The following ECT2 variants were observed in gnomAD, a reference collection of about 807,000 sequenced individuals.
The protein encoded by ECT2 is protein ECT2.
A neutral mutation model predicts 116.9 loss-of-function variants in ECT2; 61 were observed. The ratio of observed to expected loss-of-function variants is 0.52; its 90% CI spans 0.42 to 0.65. The LOEUF (loss-of-function observed/expected upper bound fraction) is 0.65. Among genes scored for constraint, ECT2 ranks in the 30% least tolerant of loss-of-function variants. The pLI, the probability that ECT2 is intolerant of heterozygous loss-of-function variation, is 0.00. For missense variants in ECT2, 937 were observed against 1,078.7 expected, an observed-to-expected ratio of 0.87 and a Z score of 1.84; for synonymous variants, 358 against 346.4, an observed-to-expected ratio of 1.03 and a Z score of -0.37.
intron 7 of ECT2, 65 bp downstream of exon 7, chr3:172,760,328 A>G (rs913565979): frequency 5.7e-6 from 5 of 875,268 alleles, no homozygotes; most frequent in Non-Finnish European, 8.8e-6. Flanking sequence ...GTTTAATAAT[A>G]GCAGTCTTTT....
At chr3:172,792,093 A>G (rs561276507) in intron 18 of ECT2, among the ~76,000 whole-genome samples, 16 of 152,322 alleles carry the variant, frequency 1.1e-4, no homozygotes, top group African/African-American at 3.4e-4. Context: ...ACACTTATCA[A>G]TTAGGTTTGT....
At chr3:172,809,684 T>A (rs551847644) in intron 22 of ECT2, among the ~76,000 whole-genome samples, 2 of 152,228 alleles carry the variant, frequency 1.3e-5, no homozygotes, top group Admixed American at 6.5e-5. Flanking sequence ...ACCCTGTATA[T>A]ATATAATTTT....
At chr3:172,777,791 C>T (rs929875172) in intron 14 of ECT2, among the ~76,000 whole-genome samples, 19 of 152,074 alleles carry the variant, frequency 1.2e-4, no homozygotes, top group Admixed American at 1.0e-3. Context: ...TCCAACTCTT[C>T]GGGAGGCTGA....
At chr3:172,828,942 C>T in the ECT2 span, 1 of 1,463,798 alleles carries the variant, frequency 6.8e-7, no homozygotes, top group East Asian at 2.3e-5. Context: ...CCAGCCACAC[C>T]AACTGTGGCT....
chr3:172,788,029 C>G (rs932090348), intron 18 of ECT2, among the ~76,000 whole-genome samples: 1 of 152,100 alleles, frequency 6.6e-6, no homozygotes, highest in African/African-American at 2.4e-5. Context: ...TATCCCTACC[C>G]TAAGTGCCTT....
chr3:172,794,155 AAG>A (rs1413260105), intron 18 of ECT2, among the ~76,000 whole-genome samples: 1 of 152,116 alleles, frequency 6.6e-6, no homozygotes, highest in Non-Finnish European at 1.5e-5. Context: ...AGTTTTATCT[AAG>A]AAATATTTGT....
At chr3:172,758,767 A>T (rs926174218) in intron 5 of ECT2, among the ~76,000 whole-genome samples, 2 of 152,206 alleles carry the variant, frequency 1.3e-5, no homozygotes, top group African/African-American at 4.8e-5. Flanking sequence ...TGTATATTGC[A>T]TATGATTAAG....
At chr3:172,794,537 A>G (rs968542820) in intron 18 of ECT2, among the ~76,000 whole-genome samples, 1 of 152,126 alleles carries the variant, frequency 6.6e-6, no homozygotes, top group Admixed American at 6.6e-5. Context: ...GTGTCTTCCA[A>G]CTTTGTTCTT....
chr3:172,756,011 G>A (rs1267281385), intron 4 of ECT2, among the ~76,000 whole-genome samples: 1 of 152,238 alleles, frequency 6.6e-6, no homozygotes, highest in Non-Finnish European at 1.5e-5. Context: ...GGCTTGCAGT[G>A]TCCTTTTGCT....
chr3:172,757,132 A>G lies in ECT2; in HGVS notation c.453A>G (p.Pro151=). Residue 151 remains proline, a synonymous_variant, in exon 5 of 25, where the codon CCA becomes CCG. Coordinates refer to ENST00000392692, the MANE Select transcript of ECT2 (RefSeq NM_001258315.2). ...AGGCTGATTGTAGAGTTATTGGACC[A>G]CCAGTTGTATTAAATTGTTCACAAA... ...LYKADCRVIG[P]PVVLNCSQKG... 6.5e-7 allele frequency: 1 copy of G among 1,537,958 alleles called. No individual in the cohort carries two copies. Among genetic ancestry groups the G allele is most frequent in the Non-Finnish European group, 8.7e-7 (1 of 1,148,636 alleles).
chr3:172,812,529 G>T (rs1431522966), intron 22 of ECT2, among the ~76,000 whole-genome samples: 2 of 151,828 alleles, frequency 1.3e-5, no homozygotes, highest in African/African-American at 4.8e-5. Context: ...CAATTGAAAG[G>T]AGCATTGATA....
intron 5 of ECT2, 141 bp downstream of exon 5, chr3:172,757,306 T>C: frequency 1.7e-6 from 1 of 590,852 alleles, no homozygotes; most frequent in Non-Finnish European, 2.7e-6. Context: ...GCTATTCTAA[T>C]GTGGTCCTTT....
At chr3:172,813,285 C>A (rs536484257) in intron 22 of ECT2, among the ~76,000 whole-genome samples, 4 of 151,550 alleles carry the variant, frequency 2.6e-5, no homozygotes, top group Non-Finnish European at 5.9e-5. Context: ...AAATATATAC[C>A]CAACTAATAG....
chr3:172,787,232 T>C (rs1471040744), intron 18 of ECT2, among the ~76,000 whole-genome samples: 1 of 152,152 alleles, frequency 6.6e-6, no homozygotes, highest in Non-Finnish European at 1.5e-5. Context: ...TATCAGTATA[T>C]TTAATAGGTT....
intron 12 of ECT2, among the ~76,000 whole-genome samples, chr3:172,764,727 T>G (rs1023050677): frequency 1.3e-5 from 2 of 152,222 alleles, no homozygotes; most frequent in African/African-American, 4.8e-5. Context: ...TTATAATAGA[T>G]TTTATTATTC....
chr3:172,777,631 G>A (rs1337035334), intron 14 of ECT2, among the ~76,000 whole-genome samples: 1 of 152,178 alleles, frequency 6.6e-6, no homozygotes, highest in African/African-American at 2.4e-5. Flanking sequence ...TGGCACAGTG[G>A]CTGATGTCTG....
intron 22 of ECT2, among the ~76,000 whole-genome samples, chr3:172,815,402 A>G (rs1262174422): frequency 6.6e-6 from 1 of 152,156 alleles, no homozygotes; most frequent in Non-Finnish European, 1.5e-5. Context: ...CATGACCCTT[A>G]CAACAAATTA....
At chr3:172,818,340 A>T (rs71310525) in intron 24 of ECT2, 26,475 of 177,236 alleles carry the variant, frequency 0.15, 2,248 homozygotes, top group Non-Finnish European at 0.19. Context: ...TGTGAAAATT[A>T]GATTATAGCT....
chr3:172,768,950 A>G, intron 12 of ECT2, 57 bp from the exon 13 acceptor site: 2 of 1,475,434 alleles, frequency 1.4e-6, no homozygotes, highest in Non-Finnish European at 1.8e-6. Context: ...AAGTCTACAT[A>G]ATGTTTGGTA....
Sources: allele counts gnomAD v4.1 joint callset (sites outside exome capture counted in the v4.1 genomes callset), GRCh38; gene constraint gnomAD v4.1.1; transcripts MANE v1.5; gene names NCBI Gene and HGNC (gene_info 2026-07-23, HGNC 2026-07-21).